The following KCNH5 variants were observed in gnomAD, a reference collection of about 807,000 sequenced individuals.
KCNH5 encodes the protein potassium voltage-gated channel subfamily H member 5, also known as voltage-gated delayed rectifier potassium channel KCNH5.
KCNH5 carries 46 observed loss-of-function variants against 96.1 expected under a neutral mutation model. The observed-to-expected ratio is 0.48, with a 90% confidence interval of 0.38 to 0.61. The LOEUF is 0.61. Among genes scored for constraint, KCNH5 ranks in the 20% least tolerant of loss-of-function variants. The probability of loss-of-function intolerance (pLI) is 0.00; values close to 1 mark genes in which losing one functional copy is unlikely to be tolerated. For synonymous variants in KCNH5, 439 were observed against 449.8 expected, an observed-to-expected ratio of 0.98 and a Z score of 0.30; for missense variants, 907 against 1,225.8, an observed-to-expected ratio of 0.74 and a Z score of 3.88.
intron 10 of KCNH5, among the ~76,000 whole-genome samples, chr14:62,755,357 A>C (rs1198503724): frequency 6.6e-6 from 1 of 152,222 alleles, no homozygotes; most frequent in Non-Finnish European, 1.5e-5. Context: ...ATGTCTAGAC[A>C]CATACGACCT....
intron 7 of KCNH5, among the ~76,000 whole-genome samples, chr14:62,879,464 A>C (rs568777299): frequency 1.9e-4 from 29 of 152,330 alleles, no homozygotes; most frequent in Non-Finnish European, 4.1e-4. Flanking sequence ...ATATTTATCG[A>C]ATGAATGAAT....
chr14:63,027,805 C>T (rs749716484), intron 1 of KCNH5, among the ~76,000 whole-genome samples: 8 of 151,954 alleles, frequency 5.3e-5, no homozygotes, highest in East Asian at 1.9e-4. Context: ...CATTAAGGGC[C>T]GGCTGATCTA....
intron 6 of KCNH5, among the ~76,000 whole-genome samples, chr14:62,956,827 C>A (rs914527914): frequency 3.3e-5 from 5 of 152,098 alleles, no homozygotes; most frequent in African/African-American, 1.2e-4. Flanking sequence ...TTATGTACTT[C>A]TGCCTTTTTT....
chr14:62,889,079 G>A (rs1393912447), intron 7 of KCNH5, among the ~76,000 whole-genome samples: 1 of 152,146 alleles, frequency 6.6e-6, no homozygotes, highest in Non-Finnish European at 1.5e-5. Flanking sequence ...GGAAGTGGCT[G>A]GATGTGCATG....
intron 10 of KCNH5, among the ~76,000 whole-genome samples, chr14:62,754,888 GTAAAA>G (rs567937783): frequency 7.5e-4 from 101 of 134,018 alleles, no homozygotes; most frequent in South Asian, 2.9e-3. Context: ...ATAAAATAAA[GTAAAA>G]TAAAATAAAA....
At chr14:62,765,382 T>G (rs532996876) in intron 10 of KCNH5, among the ~76,000 whole-genome samples, 2 of 152,256 alleles carry the variant, frequency 1.3e-5, no homozygotes, top group South Asian at 4.1e-4. Flanking sequence ...TCAGGCAGAT[T>G]AAAGAATGAA....
intron 8 of KCNH5, among the ~76,000 whole-genome samples, chr14:62,832,713 C>G (rs113824769): frequency 6.6e-6 from 1 of 152,134 alleles, no homozygotes; most frequent in African/African-American, 2.4e-5. Flanking sequence ...ATCATTTTTA[C>G]ATTCCCACCA....
chr14:62,716,821 TA>T (rs1469157372), intron 10 of KCNH5, among the ~76,000 whole-genome samples: 2 of 151,952 alleles, frequency 1.3e-5, no homozygotes, highest in East Asian at 3.9e-4. Context: ...GAAAATAAAA[TA>T]AAAGATATCC....
chr14:62,904,159 A>G lies in KCNH5; in HGVS notation c.1369+45974T>C, dbSNP rs149179359. Among the ~76,000 whole-genome samples the G allele has an allele frequency of 6.5e-3, 991 of 152,322 alleles. 8 individuals carry two copies. Among genetic ancestry groups the G allele is most frequent in the Middle Eastern group, 0.01 (3 of 294 alleles). On this transcript the variant is annotated intron_variant, in intron 7 of 10. Transcript: ENST00000322893. Reference sequence around the variant, plus strand: ...CATTAAGAATGCAAATAAGTCAAAAAGTAATTGTTTCCACAATGGCCTATA... The same window carrying G: ...CATTAAGAATGCAAATAAGTCAAAAGGTAATTGTTTCCACAATGGCCTATA...
intron 1 of KCNH5, among the ~76,000 whole-genome samples, chr14:63,022,880 C>T (rs1323342588): frequency 6.6e-6 from 1 of 152,064 alleles, no homozygotes; most frequent in East Asian, 1.9e-4. Flanking sequence ...TTCACAAGTG[C>T]AGTTTTACAC....
rs372096753 is a variant in KCNH5 at position 62,718,904 on chromosome 14, A to C, written c.2020-10449T>G. 3.3e-5 allele frequency among the ~76,000 whole-genome samples: 5 copies of C among 152,350 alleles called. No homozygotes were observed. In the South Asian group the frequency reaches 8.3e-4, roughly 25 times the overall value. On this transcript the variant is annotated intron_variant, in intron 10 of 10. Coordinates refer to ENST00000322893, the MANE Select transcript of KCNH5 (RefSeq NM_139318.5). ...GAAATACAGTATAGACACATAATGCAATGTAGAGAAACCTGGAAAACATCA... is the reference window on the plus strand; with the variant it reads ...GAAATACAGTATAGACACATAATGCCATGTAGAGAAACCTGGAAAACATCA...
intron 10 of KCNH5, among the ~76,000 whole-genome samples, chr14:62,745,927 T>G (rs946446225): frequency 6.6e-6 from 1 of 152,212 alleles, no homozygotes; most frequent in Non-Finnish European, 1.5e-5. Context: ...TTCTGTATCT[T>G]GGACCCTTCA....
intron 6 of KCNH5, among the ~76,000 whole-genome samples, chr14:62,959,109 T>C (rs553864919): frequency 6.6e-6 from 1 of 152,196 alleles, no homozygotes; most frequent in South Asian, 2.1e-4. Flanking sequence ...TAAAATCCTA[T>C]TCATTTTAGA....
At position 62,854,806 on chromosome 14, in the gene KCNH5, T is replaced by G. The variant is rs143044937; in HGVS notation, c.1370-4954A>C. ...AATGCCTTACATAGAAAGTCTTATA[T>G]TTTTCTTATTCACCACAAAAGGATT... is the stretch of plus-strand genomic sequence containing the variant. On this transcript the variant is annotated intron_variant, in intron 7 of 10. Transcript: ENST00000322893. Among the ~76,000 whole-genome samples, 73 of 151,458 alleles carry G rather than the reference T, an allele frequency of 4.8e-4. No individual in the cohort carries two copies. The Middle Eastern group carries it at 0.037, about 78-fold the overall frequency.
intron 10 of KCNH5, among the ~76,000 whole-genome samples, chr14:62,748,714 G>A (rs535480139): frequency 2.6e-5 from 4 of 152,160 alleles, no homozygotes; most frequent in South Asian, 2.1e-4. Flanking sequence ...GTCAGAGAGC[G>A]TTGGTATGGC....
intron 10 of KCNH5, among the ~76,000 whole-genome samples, chr14:62,751,815 G>A (rs1257230549): frequency 6.6e-6 from 1 of 152,186 alleles, no homozygotes; most frequent in East Asian, 1.9e-4. Flanking sequence ...TACAAGAGCT[G>A]TTCCATAGAA....
At chr14:62,927,510 G>C (rs951216991) in intron 7 of KCNH5, among the ~76,000 whole-genome samples, 3 of 152,078 alleles carry the variant, frequency 2.0e-5, no homozygotes, top group African/African-American at 7.2e-5. Flanking sequence ...ATGCATGCAT[G>C]AACAAAATGT....
intron 8 of KCNH5, among the ~76,000 whole-genome samples, chr14:62,827,297 T>G (rs1308809207): frequency 2.6e-5 from 4 of 152,184 alleles, no homozygotes; most frequent in Admixed American, 2.6e-4. Context: ...AAAGTACGGT[T>G]TGTGAGCCAG....
At position 62,987,164 on chromosome 14, in the gene KCNH5, T is replaced by C; in HGVS notation, c.457A>G (p.Thr153Ala). ...CTTCGGCTATTTGTCAAAGCCCGTGTCAATCGGGCAAATTTCGTCCAACCT... is the reference window on the plus strand; with the variant it reads ...CTTCGGCTATTTGTCAAAGCCCGTGCCAATCGGGCAAATTTCGTCCAACCT... ...TKGWTKFARLTRALTNSRSVL... is the reference protein window; with the variant it reads ...TKGWTKFARLARALTNSRSVL... The change falls in exon 5 of 11, where the codon ACA (threonine) becomes GCA (alanine). Residue 153 changes from threonine (T) to alanine (A), a missense_variant. Transcript: ENST00000322893. The C allele has an allele frequency of 1.2e-6, 2 of 1,613,490 alleles. No homozygotes were observed. The highest frequency in any genetic ancestry group is 1.7e-6 in the Non-Finnish European group (2 of 1,179,570).
Sources: allele counts gnomAD v4.1 joint callset (sites outside exome capture counted in the v4.1 genomes callset), GRCh38; gene constraint gnomAD v4.1.1; transcripts MANE v1.5; gene names NCBI Gene and HGNC (gene_info 2026-07-23, HGNC 2026-07-21).